The following UBR4 variants were observed in gnomAD, a reference collection of about 807,000 sequenced individuals.
UBR4 encodes E3 ubiquitin-protein ligase UBR4.
UBR4 carries 124 observed loss-of-function variants against 575.6 expected under a neutral mutation model. The observed-to-expected ratio is 0.22, with a 90% CI of 0.19 to 0.25. The LOEUF is 0.25. UBR4 is among the 10% of genes least tolerant of loss of function. The probability of loss-of-function intolerance (pLI) is 1.00; values close to 1 mark genes in which losing one functional copy is unlikely to be tolerated. For synonymous variants in UBR4, 2,455 were observed against 2,473.7 expected, an observed-to-expected ratio of 0.99 and a Z score of 0.22; for missense variants, 4,818 against 6,478.8, an observed-to-expected ratio of 0.74 and a Z score of 8.80.
intron 27 of UBR4, 52 bp downstream of exon 27, chr1:19,169,383 G>T: frequency 6.7e-7 from 1 of 1,501,318 alleles, no homozygotes; most frequent in South Asian, 1.2e-5. Flanking sequence ...AAGAACAAAA[G>T]ACAGAATGGC....
At chr1:19,140,494 T>G (rs1343208525) in intron 58 of UBR4, among the ~76,000 whole-genome samples, 1 of 152,236 alleles carries the variant, frequency 6.6e-6, no homozygotes, top group African/African-American at 2.4e-5. Context: ...CAAAGAACGC[T>G]GGAAGCTGAA....
At chr1:19,075,072 G>A (rs569696418) in intron 105 of UBR4, 176 bp from the exon 106 acceptor site, 23 of 657,850 alleles carry the variant, frequency 3.5e-5, no homozygotes, top group Non-Finnish European at 4.9e-5. Flanking sequence ...ACCCTGTTCC[G>A]CAGGAGGAGT....
intron 78 of UBR4, chr1:19,112,225 C>T (rs1056744059): frequency 4.0e-5 from 14 of 348,486 alleles, no homozygotes; most frequent in South Asian, 5.7e-5. Context: ...GAGTCTTTCT[C>T]GAGTTCAAGT....
chr1:19,152,769 T>G lies in UBR4; in HGVS notation c.6833-293A>C, dbSNP rs2085917151. Reference sequence around the variant, plus strand: ...ATTTAAAATAAACAATAGGAGCTACTTCTTTAATGAATGTAAATGAATAAA... The same window carrying G: ...ATTTAAAATAAACAATAGGAGCTACGTCTTTAATGAATGTAAATGAATAAA... On this transcript the variant is annotated intron_variant, in intron 46 of 105. Transcript: ENST00000375254. This position sits in a 1 kb window ranked among gnomAD's most constrained non-coding sequence, Gnocchi z 4.4. 6.6e-6 allele frequency among the ~76,000 whole-genome samples: 1 copy of G among 152,260 alleles called. No homozygotes were observed. Among genetic ancestry groups the G allele is most frequent in the African/African-American group, 2.4e-5 (1 of 41,470 alleles).
chr1:19,206,862 T>G (rs76729172), intron 1 of UBR4, among the ~76,000 whole-genome samples: 1,666 of 152,318 alleles, frequency 0.011, 30 homozygotes, highest in East Asian at 0.067. Context: ...AAACAGGGGT[T>G]AGACCTAGGA....
chr1:19,144,980 G>A, intron 53 of UBR4, 73 bp from the exon 54 acceptor site: 1 of 1,578,820 alleles, frequency 6.3e-7, no homozygotes, highest in Non-Finnish European at 8.7e-7. Context: ...TGAGACAAAA[G>A]TGTAACCTTT....
In UBR4 at chr1:19,164,551, C is replaced by T. The variant is rs1045236640; in HGVS notation, c.4512-110G>A. The T allele has an allele frequency of 2.4e-5, 31 of 1,275,610 alleles. 1 individual carries two copies. In the African/African-American group the frequency reaches 2.7e-4, roughly 11 times the overall value. 79.0% of individuals were successfully genotyped at this position (1,275,610 alleles called of 1,614,324 possible). A position where few individuals can be genotyped will look rare whatever the true frequency, so the allele number is the denominator to read the frequency against. On this transcript the variant is annotated intron_variant, in intron 32 of 105. Transcript: ENST00000375254. The stretch of plus-strand genomic sequence containing the variant: ...TAAATACATAACTACAATACCAATC[C>T]CAGCTTTGGACTTGGGCTAGTAGAG...
chr1:19,150,596 T>A lies in UBR4; in HGVS notation c.7411A>T (p.Ser2471Cys). The A allele has an allele frequency of 1.2e-6, 2 of 1,613,416 alleles. No homozygotes were observed. The highest frequency in any genetic ancestry group is 1.7e-6 in the Non-Finnish European group (2 of 1,180,018). The change falls in exon 49 of 106, where the codon AGT (serine) becomes TGT (cysteine). Residue 2471 changes from serine to cysteine, a missense_variant. This residue lies in a region of UBR4 where 340 missense variants were observed against 375.4 expected (regional missense o/e 0.91). Transcript: ENST00000375254. ...TGGTACCTCTCCAGGACAGTTCCAC[T>A]GGTCGTAGTGGGGGCAGCTGAGTCG... ...DSDSAAPTTTSGTVLERLVVS... is the reference protein window; with the variant it reads ...DSDSAAPTTTCGTVLERLVVS...
chr1:19,192,457 A>T, intron 10 of UBR4, 24 bp downstream of exon 10: 1 of 1,614,226 alleles, frequency 6.2e-7, no homozygotes, highest in Non-Finnish European at 8.5e-7. Flanking sequence ...GGAAGTATGC[A>T]GCAGAGACAG....
Position 19,117,423 on chromosome 1 carries a change from A to G in UBR4, c.10630-9T>C. On this transcript the variant is annotated splice_polypyrimidine_tract_variant and intron_variant, in intron 72 of 105. Coordinates refer to ENST00000375254, the MANE Select transcript of UBR4 (RefSeq NM_020765.3). This position sits in a 1 kb window ranked among gnomAD's most constrained non-coding sequence, Gnocchi z 4.0. The stretch of plus-strand genomic sequence containing the variant: ...GAAGACAGCTTGATATACTAAATAC[A>G]AGAGTTCACAAAACATGGTATTAGT... 1 of 1,613,278 alleles carries G rather than the reference A, an allele frequency of 6.2e-7. No homozygotes were observed. Among genetic ancestry groups the G allele is most frequent in the Non-Finnish European group, 8.5e-7 (1 of 1,179,282 alleles).
Position 19,139,277 on chromosome 1 carries a change from CAAAA to C in UBR4, c.8594-61_8594-58del. 4 of 1,520,062 alleles carry C rather than the reference CAAAA, an allele frequency of 2.6e-6. No homozygotes were observed. In the South Asian group the frequency reaches 5.2e-5, roughly 20 times the overall value. 94.2% of individuals were successfully genotyped at this position (1,520,062 alleles called of 1,614,324 possible). A position where few individuals can be genotyped will look rare whatever the true frequency, so the allele number is the denominator to read the frequency against. On this transcript the variant is annotated intron_variant, in intron 58 of 105. Coordinates refer to ENST00000375254, the MANE Select transcript of UBR4 (RefSeq NM_020765.3). The surrounding 1 kb of genome is among the most constrained non-coding windows in gnomAD (Gnocchi z 4.2). ...AAAAACAAACAAACAAACAAACAAA[CAAAA>C]AACAAAAAAAACCCCTCCTTGGGAT...
chr1:19,190,408 G>C (rs969202013), intron 11 of UBR4, among the ~76,000 whole-genome samples: 1 of 148,758 alleles, frequency 6.7e-6, no homozygotes, highest in Non-Finnish European at 1.5e-5. Flanking sequence ...AACTAACACA[G>C]AGCCTGGGAC....
At chr1:19,166,695 T>C (rs1402320960) in intron 29 of UBR4, among the ~76,000 whole-genome samples, 1 of 106,060 alleles carries the variant, frequency 9.4e-6, no homozygotes, top group African/African-American at 3.7e-5. Flanking sequence ...CTACACAACA[T>C]GGCAAACTCC....
intron 60 of UBR4, among the ~76,000 whole-genome samples, chr1:19,132,231 G>C (rs904465735): frequency 2.0e-5 from 3 of 152,052 alleles, no homozygotes; most frequent in Non-Finnish European, 4.4e-5. Flanking sequence ...ACCCAGGCTG[G>C]AGTGCAGTGG....
chr1:19,139,007 C>T lies in UBR4; in HGVS notation c.8731+76G>A. The T allele has an allele frequency of 6.7e-7, 1 of 1,488,124 alleles. No homozygotes were observed. Among genetic ancestry groups the T allele is most frequent in the Non-Finnish European group, 9.0e-7 (1 of 1,111,550 alleles). The allele number at this position is 1,488,124 out of a possible 1,614,324, so 92.2% of individuals were successfully genotyped here. Reference sequence around the variant, plus strand: ...ACCTTTTCTTTGCAAAAACCAACCCCAAGACCCAAGCAGAGATTCCTGTTT... The same window carrying T: ...ACCTTTTCTTTGCAAAAACCAACCCTAAGACCCAAGCAGAGATTCCTGTTT... On this transcript the variant is annotated intron_variant, in intron 59 of 105. Transcript: ENST00000375254. This position sits in a 1 kb window ranked among gnomAD's most constrained non-coding sequence, Gnocchi z 4.2.
intron 78 of UBR4, chr1:19,112,287 T>C: frequency 2.1e-6 from 1 of 478,480 alleles, no homozygotes; most frequent in Non-Finnish European, 3.7e-6. Flanking sequence ...CTCAAGACAC[T>C]GTACTGGAAC....
intron 15 of UBR4, 34 bp downstream of exon 15, chr1:19,185,065 C>G: frequency 6.2e-7 from 1 of 1,613,318 alleles, no homozygotes; most frequent in Non-Finnish European, 8.5e-7. Context: ...CTCCCCATGT[C>G]CACTTCCCCT....
chr1:19,125,828 G>A (rs1478342400), intron 64 of UBR4: 2 of 154,560 alleles, frequency 1.3e-5, no homozygotes, highest in Admixed American at 6.4e-5. Flanking sequence ...GGAAGAGACT[G>A]GTGATATCAG....
Position 19,156,804 on chromosome 1 carries a change from G to A in UBR4, c.5882C>T (p.Pro1961Leu). The stretch of plus-strand genomic sequence containing the variant: ...AACCGCCAAGTAGTCTTCCTTGCAG[G>A]GATTTCCTGTGAGGCTCAACACAGT... Reference protein sequence around the residue: ...PFTVLSLTGNPCKEDYLAVCG... With the variant: ...PFTVLSLTGNLCKEDYLAVCG... Residue 1961 changes from proline (P) to leucine (L), a missense_variant, in exon 41 of 106, where the codon CCC (proline) becomes CTC (leucine). Coordinates refer to ENST00000375254, the MANE Select transcript of UBR4 (RefSeq NM_020765.3). 1.2e-6 allele frequency: 2 copies of A among 1,614,148 alleles called. No homozygotes were observed. The highest frequency in any genetic ancestry group is 1.1e-5 in the South Asian group (1 of 91,074).
Sources: allele counts gnomAD v4.1 joint callset (sites outside exome capture counted in the v4.1 genomes callset), GRCh38; gene constraint gnomAD v4.1.1; regional missense constraint gnomAD v4.1.1; non-coding constraint Gnocchi (gnomAD v3.1); transcripts MANE v1.5; gene names NCBI Gene and HGNC (gene_info 2026-07-23, HGNC 2026-07-21).